Variants in CRACD observed in about 807,000 individuals in gnomAD.
CRACD encodes capping protein inhibiting regulator of actin dynamics, also known as capping protein-inhibiting regulator of actin dynamics.
CRACD carries 56 observed loss-of-function variants against 106.8 expected under a neutral mutation model. The observed-to-expected ratio is 0.52, with a 90% CI of 0.42 to 0.66. The LOEUF is 0.66. Among genes scored for constraint, CRACD ranks in the 30% least tolerant of loss-of-function variants. The pLI is 0.00. For missense variants in CRACD, 1,730 were observed against 1,623.2 expected, an observed-to-expected ratio of 1.07 and a Z score of -1.13; for synonymous variants, 754 against 670.8, an observed-to-expected ratio of 1.12 and a Z score of -1.92.
At chr4:56,204,721 G>A (rs181997022) in intron 2 of CRACD, among the ~76,000 whole-genome samples, 4 of 152,300 alleles carry the variant, frequency 2.6e-5, no homozygotes, top group African/African-American at 9.6e-5. Context: ...AGAGCAAAGT[G>A]GATCATTATA....
chr4:56,125,277 A>G (rs917050435), intron 1 of CRACD, among the ~76,000 whole-genome samples: 75 of 152,112 alleles, frequency 4.9e-4, no homozygotes, highest in Admixed American at 4.8e-3. Flanking sequence ...TTTCTTCTAC[A>G]TTTATTAGCT....
intron 3 of CRACD, among the ~76,000 whole-genome samples, chr4:56,283,252 TACA>T (rs1344567272): frequency 1.3e-5 from 2 of 151,984 alleles, no homozygotes; most frequent in Admixed American, 1.3e-4. Flanking sequence ...AGAATCACAA[TACA>T]GGGAGTTGTG....
intron 4 of CRACD, among the ~76,000 whole-genome samples, chr4:56,301,843 T>G (rs1336389340): frequency 6.6e-6 from 1 of 152,178 alleles, no homozygotes; most frequent in Admixed American, 6.5e-5. Flanking sequence ...AAAAAATCAC[T>G]ATTTAAAAGA....
chr4:56,204,365 G>A (rs1205567151), intron 2 of CRACD, among the ~76,000 whole-genome samples: 2 of 152,206 alleles, frequency 1.3e-5, no homozygotes, highest in Non-Finnish European at 2.9e-5. Flanking sequence ...TTACAGTTCT[G>A]GAGGCTGGGA....
At chr4:56,227,249 G>T (rs954401929) in intron 2 of CRACD, among the ~76,000 whole-genome samples, 1 of 152,060 alleles carries the variant, frequency 6.6e-6, no homozygotes, top group Admixed American at 6.5e-5. Context: ...ATTATATAAA[G>T]AACTCATTTT....
intron 1 of CRACD, among the ~76,000 whole-genome samples, chr4:56,117,523 G>T (rs564463694): frequency 2.6e-5 from 4 of 151,808 alleles, no homozygotes; most frequent in South Asian, 2.1e-4. Context: ...AGGAGGGGGT[G>T]GGGGGAGGAA....
In CRACD at chr4:56,315,909, C is replaced by T. The variant is rs1356762059; in HGVS notation, c.2407C>T (p.Leu803Phe). Residue 803 changes from leucine to phenylalanine, a missense_variant, in exon 8 of 11, where the codon CTT becomes TTT. Leu to Phe is a conservative substitution (Grantham distance 22). Around this residue, in one of 5 missense-constraint regions of CRACD, gnomAD observed 1,620 missense variants for 1,481.6 expected, o/e 1.09. Transcript: ENST00000682029. This position sits in a 1 kb window ranked among gnomAD's most constrained non-coding sequence, Gnocchi z 4.1. The part of the protein sequence containing the change: ...KDLPSFLVPS[L>F]PYPPQKVVAH... ...CCTCCCGTCTTTCCTTGTCCCAAGC[C>T]TTCCTTACCCTCCGCAGAAAGTGGT... 3.1e-6 allele frequency: 5 copies of T among 1,614,088 alleles called. No homozygotes were observed. Among genetic ancestry groups the T allele is most frequent in the Non-Finnish European group, 4.2e-6 (5 of 1,180,040 alleles).
chr4:56,322,372 A>G (rs6854916), intron 8 of CRACD, among the ~76,000 whole-genome samples: 31,243 of 152,198 alleles, frequency 0.21, 4,132 homozygotes, highest in East Asian at 0.45. Context: ...GGTCTGCTCA[A>G]TTTTAGAGCC....
intron 2 of CRACD, among the ~76,000 whole-genome samples, chr4:56,212,829 G>A (rs1371516997): frequency 6.6e-6 from 1 of 152,154 alleles, no homozygotes. Context: ...AGATATCTAA[G>A]GCCTATAAAT....
At position 56,315,373 on chromosome 4, in the gene CRACD, T is replaced by C. The variant is rs774263670; in HGVS notation, c.1871T>C (p.Leu624Ser). The part of the protein sequence containing the change: ...KDTACKSLLG[L>S]EEKKHAEAPA... Reference sequence around the variant, plus strand: ...ACCGCGTGCAAGTCCCTCCTGGGCTTGGAGGAGAAGAAGCACGCGGAAGCC... The same window carrying C: ...ACCGCGTGCAAGTCCCTCCTGGGCTCGGAGGAGAAGAAGCACGCGGAAGCC... Residue 624 changes from leucine to serine, a missense_variant, in exon 8 of 11, where the codon TTG becomes TCG. Coordinates refer to ENST00000682029, the MANE Select transcript of CRACD (RefSeq NM_001393381.1). This position sits in a 1 kb window ranked among gnomAD's most constrained non-coding sequence, Gnocchi z 4.1. The C allele has an allele frequency of 1.5e-5, 24 of 1,613,072 alleles. No individual in the cohort carries two copies. The African/African-American group carries it at 2.9e-4, about 20-fold the overall frequency.
intron 3 of CRACD, among the ~76,000 whole-genome samples, chr4:56,275,856 G>T (rs1350870710): frequency 6.6e-6 from 1 of 152,232 alleles, no homozygotes; most frequent in Admixed American, 6.5e-5. Context: ...AATTAGAACT[G>T]CCTGAAAATG....
intron 3 of CRACD, among the ~76,000 whole-genome samples, chr4:56,278,584 A>G (rs1332032080): frequency 6.6e-6 from 1 of 152,218 alleles, no homozygotes; most frequent in Non-Finnish European, 1.5e-5. Flanking sequence ...CATGACCTTG[A>G]ATTAGGCAGT....
At chr4:56,062,968 T>C (rs1732332546) in intron 1 of CRACD, among the ~76,000 whole-genome samples, 1 of 152,170 alleles carries the variant, frequency 6.6e-6, no homozygotes. Context: ...CGTAATGTGA[T>C]TTATCTTTTT....
In CRACD at chr4:56,330,542, A is replaced by G. The variant is rs1386488031; in HGVS notation, c.*2738A>G. ...AATATAATTTGCATATTTTAGTTGT[A>G]TAAAGTTTTAATGTAAAATGTCCAT... On this transcript the variant is annotated 3_prime_UTR_variant, in exon 11 of 11. Transcript: ENST00000682029. 2.0e-5 allele frequency among the ~76,000 whole-genome samples: 3 copies of G among 152,216 alleles called. No homozygotes were observed. The highest frequency in any genetic ancestry group is 4.4e-5 in the Non-Finnish European group (3 of 68,036).
intron 1 of CRACD, among the ~76,000 whole-genome samples, chr4:56,074,700 G>C (rs772004105): frequency 1.3e-5 from 2 of 151,990 alleles, no homozygotes; most frequent in Admixed American, 1.3e-4. Flanking sequence ...CCTGATTGCC[G>C]TGGCTGGAAC....
At chr4:56,168,041 T>C (rs903934539) in intron 1 of CRACD, among the ~76,000 whole-genome samples, 3 of 152,216 alleles carry the variant, frequency 2.0e-5, no homozygotes, top group Non-Finnish European at 4.4e-5. Context: ...TCCTTTCCAA[T>C]CTGTATCACT....
At chr4:56,105,116 T>A (rs1001714844) in intron 1 of CRACD, among the ~76,000 whole-genome samples, 3 of 152,214 alleles carry the variant, frequency 2.0e-5, no homozygotes, top group Non-Finnish European at 4.4e-5. Flanking sequence ...TCCAGTTACT[T>A]CCAATTCTGA....
At chr4:56,324,058 T>C in intron 9 of CRACD, 46 bp from the exon 10 acceptor site, 1 of 1,563,846 alleles carries the variant, frequency 6.4e-7, no homozygotes, top group Non-Finnish European at 8.7e-7. Context: ...TCTTTCCATG[T>C]CTTAGGTTGA....
At chr4:56,202,986 G>A (rs1318464826) in intron 2 of CRACD, among the ~76,000 whole-genome samples, 5 of 152,078 alleles carry the variant, frequency 3.3e-5, no homozygotes, top group Admixed American at 1.3e-4. Context: ...AATTAGTTGA[G>A]GGGATATGTA....
Sources: allele counts gnomAD v4.1 joint callset (sites outside exome capture counted in the v4.1 genomes callset), GRCh38; gene constraint gnomAD v4.1.1; regional missense constraint gnomAD v4.1.1; non-coding constraint Gnocchi (gnomAD v3.1); transcripts MANE v1.5; gene names NCBI Gene and HGNC (gene_info 2026-07-23, HGNC 2026-07-21).